The following NAA11 variants were observed in gnomAD, a reference collection of about 807,000 sequenced individuals.
NAA11 encodes the protein N-alpha-acetyltransferase 11, NatA catalytic subunit, also known as N-alpha-acetyltransferase 11.
NAA11 carries 15 observed loss-of-function variants against 16.1 expected under a neutral mutation model. That is an observed-to-expected ratio of 0.93 (90% CI 0.62 to 1.44). NAA11 has a LOEUF of 1.44. Ranked by LOEUF, NAA11 falls within the 40% of genes most tolerant of loss-of-function variation. NAA11 has a pLI of 0.00. For missense variants in NAA11, 298 were observed against 291.3 expected (o/e 1.02, Z -0.17); for synonymous variants, 122 against 112.4 (o/e 1.09, Z -0.54).
chr4:79,217,802 A>G, the NAA11 span, among the ~76,000 whole-genome samples: 1 of 152,192 alleles, frequency 6.6e-6, no homozygotes, highest in East Asian at 1.9e-4. Flanking sequence ...ACAGGATATT[A>G]TAATTACCAT....
At chr4:79,257,028 C>A (rs1722129860) in intron 2 of NAA11, among the ~76,000 whole-genome samples, 1 of 152,112 alleles carries the variant, frequency 6.6e-6, no homozygotes, top group Non-Finnish European at 1.5e-5. Context: ...ATTAACCCAA[C>A]ACCTCACAAA....
intron 1 of NAA11, among the ~76,000 whole-genome samples, chr4:79,322,409 C>T (rs1218215859): frequency 6.6e-6 from 1 of 152,102 alleles, no homozygotes; most frequent in African/African-American, 2.4e-5. Context: ...TATTATTTCT[C>T]TCTTCTTTTA....
chr4:79,311,754 C>T (rs972110176), downstream of NAA11, among the ~76,000 whole-genome samples: 3 of 152,142 alleles, frequency 2.0e-5, no homozygotes, highest in African/African-American at 7.2e-5. Context: ...AAAGCTGTGA[C>T]GTTTCAGCTT....
At chr4:79,291,541 A>G (rs1159591258) in intron 2 of NAA11, among the ~76,000 whole-genome samples, 2 of 152,080 alleles carry the variant, frequency 1.3e-5, no homozygotes, top group Non-Finnish European at 2.9e-5. Flanking sequence ...CCTGACCAAC[A>G]TAGAGAAACC....
chr4:79,165,092 G>T, the NAA11 span, among the ~76,000 whole-genome samples: 1 of 152,194 alleles, frequency 6.6e-6, no homozygotes, highest in Non-Finnish European at 1.5e-5. Flanking sequence ...GCCGGAGCTG[G>T]GAAGCAGAAG....
intron 2 of NAA11, among the ~76,000 whole-genome samples, chr4:79,268,085 GA>G (rs752670921): frequency 5.3e-5 from 8 of 152,058 alleles, no homozygotes; most frequent in Non-Finnish European, 1.0e-4. Context: ...ATGGACAATG[GA>G]AAAGGGAAAT....
downstream of NAA11, among the ~76,000 whole-genome samples, chr4:79,223,358 A>T (rs1180120681): frequency 2.7e-5 from 4 of 150,452 alleles, no homozygotes; most frequent in African/African-American, 9.8e-5. Context: ...ACATGGATGA[A>T]ATTGGAAATC....
At chr4:79,298,690 G>A (rs569589576) in intron 1 of NAA11, among the ~76,000 whole-genome samples, 3 of 152,190 alleles carry the variant, frequency 2.0e-5, no homozygotes, top group Non-Finnish European at 4.4e-5. Flanking sequence ...GCCCTTGGCA[G>A]GCATGGATAC....
At chr4:79,294,933 A>G (rs1334697250) in intron 1 of NAA11, among the ~76,000 whole-genome samples, 3 of 152,206 alleles carry the variant, frequency 2.0e-5, no homozygotes, top group African/African-American at 7.2e-5. Flanking sequence ...ATCCCATACT[A>G]TAGTGATTTC....
chr4:79,295,810 T>C (rs1293004582), intron 1 of NAA11, among the ~76,000 whole-genome samples: 2 of 152,214 alleles, frequency 1.3e-5, no homozygotes, highest in Non-Finnish European at 2.9e-5. Context: ...CCATCATTGA[T>C]AAAGTAATGC....
the NAA11 span, among the ~76,000 whole-genome samples, chr4:79,186,019 A>G: frequency 6.6e-6 from 1 of 152,158 alleles, no homozygotes; most frequent in Non-Finnish European, 1.5e-5. Context: ...TGTGAGTGGT[A>G]TGTGTGTCCT....
At chr4:79,186,529 A>G in the NAA11 span, among the ~76,000 whole-genome samples, 1 of 152,202 alleles carries the variant, frequency 6.6e-6, no homozygotes, top group East Asian at 1.9e-4. Context: ...ATTGCTTTGA[A>G]TAACTGTATA....
chr4:79,280,296 G>C (rs943880931), intron 2 of NAA11, among the ~76,000 whole-genome samples: 1 of 151,874 alleles, frequency 6.6e-6, no homozygotes, highest in African/African-American at 2.4e-5. Context: ...ATGTTGGTAA[G>C]ACCAGGAATC....
intron 2 of NAA11, among the ~76,000 whole-genome samples, chr4:79,246,376 C>CAAAAAAAAAAAAAAAAAAAAA (rs1560420199): frequency 8.8e-6 from 1 of 114,190 alleles, no homozygotes; most frequent in Non-Finnish European, 1.8e-5. Context: ...TCAATAAATA[C>CAAAAAAAAAAAAAAAAAAAAA]TAAAAAAAAA....
chr4:79,264,109 G>A (rs894705885), intron 2 of NAA11, among the ~76,000 whole-genome samples: 6 of 152,178 alleles, frequency 3.9e-5, no homozygotes, highest in African/African-American at 9.6e-5. Flanking sequence ...CAACACTTCC[G>A]CTCGTGCACT....
chr4:79,256,392 A>C (rs1283594324), intron 2 of NAA11, among the ~76,000 whole-genome samples: 1 of 151,864 alleles, frequency 6.6e-6, no homozygotes, highest in African/African-American at 2.4e-5. Flanking sequence ...TTTCACCTAC[A>C]GTTCAGTTCA....
chr4:79,310,533 C>T (rs1043045165), intron 1 of NAA11, among the ~76,000 whole-genome samples: 2 of 152,272 alleles, frequency 1.3e-5, no homozygotes, highest in East Asian at 1.9e-4. Flanking sequence ...TCAAATACAA[C>T]AATGCTCGTT....
At chr4:79,239,776 C>A (rs1474111735) in intron 2 of NAA11, among the ~76,000 whole-genome samples, 1 of 152,116 alleles carries the variant, frequency 6.6e-6, no homozygotes, top group African/African-American at 2.4e-5. Context: ...TATATTAATG[C>A]CCACCAAGGG....
intron 1 of NAA11, among the ~76,000 whole-genome samples, chr4:79,300,697 G>A (rs1485445120): frequency 1.3e-5 from 2 of 152,158 alleles, no homozygotes; most frequent in African/African-American, 4.8e-5. Context: ...GGTTATATGA[G>A]GACATCAAAA....
Sources: allele counts gnomAD v4.1 joint callset (sites outside exome capture counted in the v4.1 genomes callset), GRCh38; gene constraint gnomAD v4.1.1; transcripts MANE v1.5; gene names NCBI Gene and HGNC (gene_info 2026-07-23, HGNC 2026-07-21).